Variants in CACUL1 observed in about 807,000 individuals in gnomAD.
The protein encoded by CACUL1 is CDK2 associated cullin domain 1, also known as CDK2-associated and cullin domain-containing protein 1.
A neutral mutation model predicts 45.2 loss-of-function variants in CACUL1; 13 were observed. The observed-to-expected ratio is 0.29, with a 90% CI of 0.19 to 0.46. The LOEUF (loss-of-function observed/expected upper bound fraction) is 0.46, where lower values mean the gene tolerates loss of function less well. Ranked by LOEUF, CACUL1 falls within the 20% of genes least tolerant of loss-of-function variation. CACUL1 has a pLI of 1.00. For synonymous variants in CACUL1, 197 were observed against 174.2 expected (o/e 1.13, Z -1.03); for missense variants, 421 against 471.4 (o/e 0.89, Z 0.99).
At chr10:118,705,026 A>G (rs909876220) in intron 4 of CACUL1, among the ~76,000 whole-genome samples, 2 of 152,200 alleles carry the variant, frequency 1.3e-5, no homozygotes, top group Non-Finnish European at 2.9e-5. Flanking sequence ...AAAATCCTAC[A>G]TCAGTAGGGC....
intron 7 of CACUL1, among the ~76,000 whole-genome samples, chr10:118,687,191 C>T (rs1845215717): frequency 6.6e-6 from 1 of 152,132 alleles, no homozygotes; most frequent in South Asian, 2.1e-4. Context: ...GTCATCTTTT[C>T]TTCTCCACGT....
chr10:118,733,051 A>C (rs1245826509), intron 1 of CACUL1, among the ~76,000 whole-genome samples: 2 of 152,182 alleles, frequency 1.3e-5, no homozygotes. Flanking sequence ...TGGGCTCCTA[A>C]AATGCTTAGT....
intron 3 of CACUL1, among the ~76,000 whole-genome samples, chr10:118,719,582 C>T (rs565411716): frequency 2.4e-4 from 36 of 152,246 alleles, no homozygotes; most frequent in African/African-American, 7.7e-4. Flanking sequence ...GAAGCCAAGG[C>T]GGGCAGATTA....
intron 5 of CACUL1, among the ~76,000 whole-genome samples, chr10:118,700,695 C>T (rs1432395798): frequency 4.5e-5 from 6 of 134,414 alleles, no homozygotes; most frequent in Admixed American, 1.8e-4. Context: ...CCAGTCTAGG[C>T]GACAGAGCGA....
In CACUL1 at chr10:118,686,838, G is replaced by GT. The variant is rs145170663; in HGVS notation, c.1026-198dup. 3,003 of 558,386 alleles carry GT rather than the reference G, an allele frequency of 5.4e-3. 79 individuals are homozygous for GT. The highest frequency in any genetic ancestry group is 0.051 in the African/African-American group (2,683 of 52,632). The allele number at this position is 558,386 out of a possible 1,614,324, so 34.6% of individuals were successfully genotyped here. A position where few individuals can be genotyped will look rare whatever the true frequency, so the allele number is the denominator to read the frequency against. ...GATGGAAGAACATGAGCCTTTACCT[G>GT]TATTAACCAGTTCATCCTCAAACAC... On this transcript the variant is annotated intron_variant, in intron 7 of 8. Transcript: ENST00000369151.
chr10:118,689,887 C>T (rs1242647112), intron 7 of CACUL1, among the ~76,000 whole-genome samples: 1 of 152,206 alleles, frequency 6.6e-6, no homozygotes, highest in Admixed American at 6.5e-5. Context: ...AAGGTATAAA[C>T]TCATCCTAAA....
intron 3 of CACUL1, among the ~76,000 whole-genome samples, chr10:118,713,707 C>T (rs968643242): frequency 2.6e-5 from 4 of 152,138 alleles, no homozygotes; most frequent in Admixed American, 2.0e-4. Flanking sequence ...TTATATCCTT[C>T]CAGAAGAACT....
chr10:118,702,981 A>AT (rs1384006862), intron 4 of CACUL1, among the ~76,000 whole-genome samples: 5 of 151,820 alleles, frequency 3.3e-5, no homozygotes, highest in Non-Finnish European at 5.9e-5. Context: ...AATTTAAAAA[A>AT]TTTTTTTTGG....
chr10:118,720,743 G>A (rs1402099195), intron 3 of CACUL1, among the ~76,000 whole-genome samples: 1 of 152,140 alleles, frequency 6.6e-6, no homozygotes, highest in African/African-American at 2.4e-5. Flanking sequence ...ATTATGTTAA[G>A]TCCTATGAAG....
At chr10:118,695,059 C>T (rs1400842154) in intron 6 of CACUL1, 82 bp downstream of exon 6, 3 of 861,194 alleles carry the variant, frequency 3.5e-6, no homozygotes, top group East Asian at 5.0e-5. Context: ...TTAAGCCTCA[C>T]AAAACACATA....
At chr10:118,712,906 G>A (rs1441081620) in intron 3 of CACUL1, among the ~76,000 whole-genome samples, 1 of 152,222 alleles carries the variant, frequency 6.6e-6, no homozygotes, top group African/African-American at 2.4e-5. Flanking sequence ...CCAGTCTGTA[G>A]GACTGGCAGC....
At position 118,686,180 on chromosome 10, in the gene CACUL1, T is replaced by A; in HGVS notation, c.1070-12A>T. Reference sequence around the variant, plus strand: ...TGCTGACGAGCTATCTGAAAAAACATCAGAATAGGAAAAAGTATGAAGAGC... The same window carrying A: ...TGCTGACGAGCTATCTGAAAAAACAACAGAATAGGAAAAAGTATGAAGAGC... On this transcript the variant is annotated splice_polypyrimidine_tract_variant and intron_variant, in intron 8 of 8. Coordinates refer to ENST00000369151, the MANE Select transcript of CACUL1 (RefSeq NM_153810.5). 1 of 1,608,728 alleles carries A rather than the reference T, an allele frequency of 6.2e-7. No individual in the cohort carries two copies. The highest frequency in any genetic ancestry group is 1.3e-5 in the African/African-American group (1 of 74,802).
intron 1 of CACUL1, among the ~76,000 whole-genome samples, chr10:118,745,468 A>T (rs546664871): frequency 6.6e-6 from 1 of 152,230 alleles, no homozygotes; most frequent in East Asian, 1.9e-4. Flanking sequence ...AGGCTGAGAA[A>T]GGGAATCGCT....
chr10:118,739,640 C>T (rs1845773619), intron 1 of CACUL1, among the ~76,000 whole-genome samples: 1 of 152,164 alleles, frequency 6.6e-6, no homozygotes, highest in African/African-American at 2.4e-5. Context: ...TATATACATA[C>T]TCAGAAATTC....
At chr10:118,738,942 A>C (rs1845766208) in intron 1 of CACUL1, among the ~76,000 whole-genome samples, 1 of 146,934 alleles carries the variant, frequency 6.8e-6, no homozygotes, top group Non-Finnish European at 1.5e-5. Flanking sequence ...TCACGCCTGT[A>C]ATCCCAGCAC....
chr10:118,699,697 T>G (rs1167143807), intron 5 of CACUL1, among the ~76,000 whole-genome samples: 1 of 151,804 alleles, frequency 6.6e-6, no homozygotes, highest in Non-Finnish European at 1.5e-5. Flanking sequence ...CAGGCTGGAG[T>G]GCAGTGACGC....
At chr10:118,742,917 C>G (rs1335926958) in intron 1 of CACUL1, among the ~76,000 whole-genome samples, 1 of 152,094 alleles carries the variant, frequency 6.6e-6, no homozygotes, top group Non-Finnish European at 1.5e-5. Context: ...GGGTGCTGAA[C>G]AATGAAGAAA....
intron 6 of CACUL1, chr10:118,693,678 A>T (rs1845293210): frequency 2.2e-6 from 1 of 452,792 alleles, no homozygotes; most frequent in Non-Finnish European, 4.4e-6. Flanking sequence ...AAGGAAAAAA[A>T]ATCATTCATA....
chr10:118,700,139 G>C (rs1485534483), intron 5 of CACUL1, among the ~76,000 whole-genome samples: 1 of 151,928 alleles, frequency 6.6e-6, no homozygotes, highest in Non-Finnish European at 1.5e-5. Context: ...AAAAGTTTAT[G>C]GTCAAGCTTA....
Sources: gnomAD v4.1 joint callset for allele counts (sites outside exome capture counted in the v4.1 genomes callset) on GRCh38, gnomAD v4.1.1 for gene constraint, MANE v1.5 for transcripts, NCBI Gene and HGNC (gene_info 2026-07-23, HGNC 2026-07-21) for gene names.